Variants in MAPKAPK5 observed in about 807,000 individuals in gnomAD.
MAPKAPK5 encodes MAPK activated protein kinase 5, also known as MAP kinase-activated protein kinase 5.
In MAPKAPK5, 30 loss-of-function variants were observed where a neutral mutation model predicts 65.1. That is an observed-to-expected ratio of 0.46 (90% CI 0.34 to 0.63). The LOEUF (loss-of-function observed/expected upper bound fraction) is 0.63. Among genes scored for constraint, MAPKAPK5 ranks in the 20% least tolerant of loss-of-function variants. The pLI, the probability that MAPKAPK5 is intolerant of heterozygous loss-of-function variation, is 0.01. For synonymous variants in MAPKAPK5, 179 were observed against 204.6 expected (o/e 0.87, Z 1.07); for missense variants, 433 against 581.4 (o/e 0.74, Z 2.63).
chr12:111,889,339 T>G (rs1425796338), intron 12 of MAPKAPK5: 2 of 251,242 alleles, frequency 8.0e-6, no homozygotes, highest in Non-Finnish European at 1.6e-5. Context: ...ATGGAAAATG[T>G]GGGTAGGGTC....
intron 7 of MAPKAPK5, among the ~76,000 whole-genome samples, chr12:111,876,176 C>T (rs1405247151): frequency 7.3e-6 from 1 of 137,782 alleles, no homozygotes; most frequent in Admixed American, 8.3e-5. Context: ...CATTGCACTC[C>T]AGCCTGGTGA....
intron 1 of MAPKAPK5, among the ~76,000 whole-genome samples, chr12:111,854,837 C>G (rs1311536251): frequency 6.6e-6 from 1 of 152,110 alleles, no homozygotes; most frequent in Non-Finnish European, 1.5e-5. Flanking sequence ...CTATCTGGCT[C>G]AAAATGTCAG....
In MAPKAPK5 at chr12:111,852,362, C is replaced by G. The variant is rs1382401950; in HGVS notation, c.36+9593C>G. On this transcript the variant is annotated intron_variant, in intron 1 of 13. Coordinates refer to ENST00000550735, the MANE Select transcript of MAPKAPK5 (RefSeq NM_003668.4). ...CCAACCAACTCCTTTTCTTTCTTTC[C>G]CTCAGTCTACTCATCCTGAAGATGG... Among the ~76,000 whole-genome samples, 4 of 152,274 alleles carry G rather than the reference C, an allele frequency of 2.6e-5. No homozygotes were observed. The East Asian group carries it at 7.7e-4, about 29-fold the overall frequency.
chr12:111,883,791 A>C lies in MAPKAPK5; in HGVS notation c.848+23A>C. 6.2e-7 allele frequency: 1 copy of C among 1,608,000 alleles called. No homozygotes were observed. Among genetic ancestry groups the C allele is most frequent in the South Asian group, 1.1e-5 (1 of 90,532 alleles). On this transcript the variant is annotated intron_variant, in intron 9 of 13. Coordinates refer to ENST00000550735, the MANE Select transcript of MAPKAPK5 (RefSeq NM_003668.4). The surrounding 1 kb of genome is among the most constrained non-coding windows in gnomAD (Gnocchi z 4.8). ...GAAGTGAGTTCACGGGCTGCTGGGC[A>C]TGGAGGCCAAGGAGGCCTCCAGGTG...
intron 13 of MAPKAPK5, among the ~76,000 whole-genome samples, chr12:111,892,363 A>G (rs2070644215): frequency 6.6e-6 from 1 of 152,180 alleles, no homozygotes; most frequent in South Asian, 2.1e-4. Flanking sequence ...GGGTACTGCT[A>G]CCAGTTTTTC....
intron 4 of MAPKAPK5, 98 bp downstream of exon 4, chr12:111,867,767 T>C (rs561396971): frequency 5.7e-6 from 5 of 869,924 alleles, no homozygotes; most frequent in South Asian, 1.5e-5. Flanking sequence ...TCCCTCTCCT[T>C]CTTCCTCCTA....
intron 1 of MAPKAPK5, among the ~76,000 whole-genome samples, chr12:111,844,180 C>A (rs946728200): frequency 2.0e-5 from 3 of 151,078 alleles, no homozygotes; most frequent in Non-Finnish European, 4.4e-5. Flanking sequence ...ACATATCCTT[C>A]TTTTGTTTTG....
At chr12:111,843,267 G>A in intron 1 of MAPKAPK5, 2 of 398,582 alleles carry the variant, frequency 5.0e-6, no homozygotes, top group Admixed American at 8.8e-5. Context: ...TCACTTTTCC[G>A]TGTATTCTCC....
Position 111,897,657 on chromosome 12 carries a change from T to G in MAPKAPK5, c.*4596T>G, listed in dbSNP as rs980583810. On this transcript the variant is annotated 3_prime_UTR_variant, in exon 14 of 14. Transcript: ENST00000550735. ...ATACAGCTGGAAATCATTTCACTTT[T>G]CTTGCTGTAAATTTTTTTAGTGGGT... The G allele has an allele frequency of 1.3e-5, 2 of 152,234 alleles. No homozygotes were observed. The highest frequency in any genetic ancestry group is 4.8e-5 in the African/African-American group (2 of 41,462). The allele number at this position is 152,234 out of a possible 1,614,324, so 9.4% of individuals were successfully genotyped here.
chr12:111,847,520 C>T (rs1276152447), intron 1 of MAPKAPK5, among the ~76,000 whole-genome samples: 1 of 152,010 alleles, frequency 6.6e-6, no homozygotes, highest in Non-Finnish European at 1.5e-5. Context: ...GGGATTCTTA[C>T]ATATTGTTTT....
chr12:111,861,321 T>G lies in MAPKAPK5; in HGVS notation c.37-3929T>G, dbSNP rs1003572857. Among the ~76,000 whole-genome samples, 21 of 151,272 alleles carry G rather than the reference T, an allele frequency of 1.4e-4. 1 individual carries two copies. Among genetic ancestry groups the G allele is most frequent in the Admixed American group, 7.9e-4 (12 of 15,096 alleles). Reference sequence around the variant, plus strand: ...TGTGTCAGGTAGTTTTTTTGTTTTTTTTGTTGTTGTTGTTTTGTTTGTTTT... The same window carrying G: ...TGTGTCAGGTAGTTTTTTTGTTTTTGTTGTTGTTGTTGTTTTGTTTGTTTT... On this transcript the variant is annotated intron_variant, in intron 1 of 13. Coordinates refer to ENST00000550735, the MANE Select transcript of MAPKAPK5 (RefSeq NM_003668.4).
intron 3 of MAPKAPK5, 102 bp downstream of exon 3, chr12:111,866,333 A>C: frequency 1.0e-6 from 1 of 975,560 alleles, no homozygotes; most frequent in East Asian, 2.6e-5. Context: ...GATGCATAAA[A>C]AGTTTTATGT....
At chr12:111,848,282 G>A (rs918912539) in intron 1 of MAPKAPK5, among the ~76,000 whole-genome samples, 1 of 152,104 alleles carries the variant, frequency 6.6e-6, no homozygotes, top group Non-Finnish European at 1.5e-5. Flanking sequence ...TCCTTCTGGT[G>A]GGTGTGTAGT....
intron 12 of MAPKAPK5, 79 bp downstream of exon 12, chr12:111,889,079 C>T: frequency 2.1e-6 from 3 of 1,446,652 alleles, no homozygotes; most frequent in Non-Finnish European, 1.9e-6. Context: ...TATGCATGCA[C>T]ATGGCAAAAG....
In MAPKAPK5 at chr12:111,857,857, A is replaced by G. The variant is rs142367779; in HGVS notation, c.37-7393A>G. On this transcript the variant is annotated intron_variant, in intron 1 of 13. Coordinates refer to ENST00000550735, the MANE Select transcript of MAPKAPK5 (RefSeq NM_003668.4). The stretch of plus-strand genomic sequence containing the variant: ...TGTCATTTTTTCCCTTCGTACTTAC[A>G]TTATTTTCTCTTTCTCTTTCAGTGT... 8.5e-4 allele frequency among the ~76,000 whole-genome samples: 129 copies of G among 151,220 alleles called. 1 individual carries two copies. Among genetic ancestry groups the G allele is most frequent in the Admixed American group, 1.6e-3 (24 of 15,114 alleles).
rs1160996991 is a variant in MAPKAPK5, at chr12:111,898,635, T to A, written c.*5574T>A. The A allele has an allele frequency of 6.6e-6, 1 of 152,174 alleles. No individual in the cohort carries two copies. The highest frequency in any genetic ancestry group is 1.9e-4 in the East Asian group (1 of 5,206). 9.4% of individuals were successfully genotyped at this position (152,174 alleles called of 1,614,324 possible). The stretch of plus-strand genomic sequence containing the variant: ...ATATGCAGATATAAAATATCTAAAC[T>A]CATTTGTTATGAACCAACGATAATG... On this transcript the variant is annotated 3_prime_UTR_variant, in exon 14 of 14. Transcript: ENST00000550735.
rs1450083083 is a variant in MAPKAPK5, at chr12:111,901,063, T to A, written c.*8002T>A. The A allele has an allele frequency of 4.4e-6, 2 of 456,066 alleles. No homozygotes were observed. Among genetic ancestry groups the A allele is most frequent in the Admixed American group, 2.3e-5 (1 of 42,570 alleles). The allele number at this position is 456,066 out of a possible 1,614,324, so 28.3% of individuals were successfully genotyped here. On this transcript the variant is annotated 3_prime_UTR_variant, in exon 14 of 14. Transcript: ENST00000550735. Reference sequence around the variant, plus strand: ...CTTATATGTTCAGGTATTACAGGCTTACCAAAAATCAATCTCCAACATACA... The same window carrying A: ...CTTATATGTTCAGGTATTACAGGCTAACCAAAAATCAATCTCCAACATACA...
At chr12:111,849,709 C>T (rs1398344821) in intron 1 of MAPKAPK5, among the ~76,000 whole-genome samples, 2 of 152,038 alleles carry the variant, frequency 1.3e-5, no homozygotes, top group African/African-American at 4.8e-5. Context: ...CAGTTTAGCA[C>T]ATTTTTTTCT....
Position 111,890,112 on chromosome 12 carries a change from T to C in MAPKAPK5, c.1289T>C (p.Leu430Pro). The change falls in exon 13 of 14, where the codon CTA becomes CCA. Residue 430 changes from leucine (L) to proline (P), a missense_variant. By Grantham distance (98) the Leu-to-Pro change is moderately conservative. Coordinates refer to ENST00000550735, the MANE Select transcript of MAPKAPK5 (RefSeq NM_003668.4). ...AAGTATAACCGGGAATGCAAACTCC[T>C]AAGAGATACTCTGCAGAGCTTCAGC... ...AWKYNRECKL[L>P]RDTLQSFSWN... The C allele has an allele frequency of 6.3e-7, 1 of 1,597,546 alleles. No homozygotes were observed. The highest frequency in any genetic ancestry group is 8.5e-7 in the Non-Finnish European group (1 of 1,172,276).
Sources: allele counts gnomAD v4.1 joint callset (sites outside exome capture counted in the v4.1 genomes callset), GRCh38; gene constraint gnomAD v4.1.1; non-coding constraint Gnocchi (gnomAD v3.1); transcripts MANE v1.5; gene names NCBI Gene and HGNC (gene_info 2026-07-23, HGNC 2026-07-21).